TENM3: variants seen among roughly 807,000 people sequenced by gnomAD.
TENM3 encodes the protein teneurin-3.
Under a neutral mutation model 255.1 loss-of-function variants are expected in TENM3, and 63 were observed. The ratio of observed to expected loss-of-function variants is 0.25; its 90% CI spans 0.20 to 0.30. TENM3 has a LOEUF of 0.30. Ranked by LOEUF, TENM3 falls within the 10% of genes least tolerant of loss-of-function variation. The probability of loss-of-function intolerance (pLI) is 1.00; values close to 1 mark genes in which losing one functional copy is unlikely to be tolerated. For missense variants in TENM3, 2,929 were observed against 3,461.1 expected, an observed-to-expected ratio of 0.85 and a Z score of 3.86; for synonymous variants, 1,306 against 1,322.3, an observed-to-expected ratio of 0.99 and a Z score of 0.27.
At chr4:182,564,590 T>C (rs1743578134) in intron 3 of TENM3, among the ~76,000 whole-genome samples, 1 of 151,516 alleles carries the variant, frequency 6.6e-6, no homozygotes, top group Non-Finnish European at 1.5e-5. Context: ...TGTTTTTTTT[T>C]TTTTTGGTCC....
chr4:182,011,972 C>T, the TENM3 span, among the ~76,000 whole-genome samples: 1 of 152,144 alleles, frequency 6.6e-6, no homozygotes, highest in Admixed American at 6.5e-5. Flanking sequence ...AAAGAGACTT[C>T]ATGGAGAGAC....
the TENM3 span, among the ~76,000 whole-genome samples, chr4:181,868,137 G>A: frequency 1.3e-5 from 2 of 152,012 alleles, no homozygotes; most frequent in African/African-American, 4.8e-5. Flanking sequence ...TAAGTGCACA[G>A]CTTGATGGGT....
chr4:181,574,476 A>C, the TENM3 span, among the ~76,000 whole-genome samples: 1 of 151,400 alleles, frequency 6.6e-6, no homozygotes, highest in African/African-American at 2.4e-5. Flanking sequence ...GCTTGCAGTG[A>C]GCCGAGATCG....
At chr4:181,942,470 G>A in the TENM3 span, among the ~76,000 whole-genome samples, 1 of 151,896 alleles carries the variant, frequency 6.6e-6, no homozygotes, top group Non-Finnish European at 1.5e-5. Context: ...CCTGAGTGAG[G>A]GACCAGTGGG....
the TENM3 span, among the ~76,000 whole-genome samples, chr4:181,594,298 A>C: frequency 6.6e-6 from 1 of 152,216 alleles, no homozygotes; most frequent in African/African-American, 2.4e-5. Context: ...TTTTCAAAAA[A>C]ACCATAGCAA....
the TENM3 span, among the ~76,000 whole-genome samples, chr4:181,792,356 G>C: frequency 6.6e-6 from 1 of 152,106 alleles, no homozygotes; most frequent in African/African-American, 2.4e-5. Flanking sequence ...GTCATAGAAT[G>C]TTATAAGGAA....
chr4:182,287,425 T>C (rs1296322752), intron 1 of TENM3, among the ~76,000 whole-genome samples: 1 of 152,118 alleles, frequency 6.6e-6, no homozygotes, highest in Non-Finnish European at 1.5e-5. Flanking sequence ...CCGCTTGAAA[T>C]GCCCTTTCAC....
At chr4:182,441,654 C>T (rs770222492) in intron 3 of TENM3, among the ~76,000 whole-genome samples, 9 of 152,146 alleles carry the variant, frequency 5.9e-5, no homozygotes, top group South Asian at 2.1e-4. Flanking sequence ...CGTGCCACCA[C>T]GCCCAGCTAA....
intron 1 of TENM3, among the ~76,000 whole-genome samples, chr4:182,254,246 T>C (rs1758226244): frequency 6.6e-6 from 1 of 152,038 alleles, no homozygotes; most frequent in South Asian, 2.1e-4. Flanking sequence ...GGTGGCTTCT[T>C]ACAGTTCTCT....
chr4:182,137,459 T>C, the TENM3 span, among the ~76,000 whole-genome samples: 7 of 152,176 alleles, frequency 4.6e-5, no homozygotes, highest in African/African-American at 9.7e-5. Flanking sequence ...ATGAAAGCGG[T>C]GTTTTGATCT....
the TENM3 span, among the ~76,000 whole-genome samples, chr4:181,542,797 G>A: frequency 6.6e-6 from 1 of 152,284 alleles, no homozygotes; most frequent in East Asian, 1.9e-4. Context: ...TCTTTTCATA[G>A]TGAATTTCAA....
intron 3 of TENM3, among the ~76,000 whole-genome samples, chr4:182,389,439 A>G (rs1370956270): frequency 6.6e-6 from 1 of 151,888 alleles, no homozygotes; most frequent in African/African-American, 2.4e-5. Flanking sequence ...TTTAAAACAG[A>G]GCTAAAGTAA....
chr4:182,485,575 A>C (rs2151543045), intron 3 of TENM3, among the ~76,000 whole-genome samples: 1 of 152,260 alleles, frequency 6.6e-6, no homozygotes, highest in Admixed American at 6.5e-5. Flanking sequence ...AGTCTCACTA[A>C]ATTTTTCAAT....
rs190131374 is a variant in TENM3, at chr4:182,688,821, C to G, written c.2221+470C>G. On this transcript the variant is annotated intron_variant, in intron 12 of 27. Coordinates refer to ENST00000511685, the MANE Select transcript of TENM3 (RefSeq NM_001080477.4). ...TTGAGTCTCTGCAAAAGAGGTTTGA[C>G]TTATTATGACTTCATTTTGTGGTAT... Among the ~76,000 whole-genome samples, 157 of 152,212 alleles carry G rather than the reference C, an allele frequency of 1.0e-3. 1 individual carries two copies. The highest frequency in any genetic ancestry group is 2.9e-3 in the Admixed American group (44 of 15,274).
the TENM3 span, among the ~76,000 whole-genome samples, chr4:181,537,175 G>C: frequency 6.6e-6 from 1 of 151,768 alleles, no homozygotes; most frequent in Admixed American, 6.6e-5. Context: ...CTAAGGTTGG[G>C]CTTTGATTAA....
chr4:182,239,313 A>G (rs1301880229), upstream of TENM3, among the ~76,000 whole-genome samples: 1 of 152,066 alleles, frequency 6.6e-6, no homozygotes, highest in Non-Finnish European at 1.5e-5. Flanking sequence ...ATTGACCTCA[A>G]ATGATCTGCC....
At position 182,497,115 on chromosome 4, in the gene TENM3, A is replaced by G. The variant is rs548637095; in HGVS notation, c.512-103809A>G. Among the ~76,000 whole-genome samples, 9 of 151,206 alleles carry G rather than the reference A, an allele frequency of 6.0e-5. No homozygotes were observed. In the South Asian group the frequency reaches 8.4e-4, roughly 14 times the overall value. On this transcript the variant is annotated intron_variant, in intron 3 of 27. Transcript: ENST00000511685. ...TGTCGCCAGGCTGGAATGCAGTGGC[A>G]CGATCTCAGCTCACTGTAACCTCCG... is the stretch of plus-strand genomic sequence containing the variant.
At chr4:182,194,426 T>C (rs555150157) in intron 1 of TENM3, among the ~76,000 whole-genome samples, 44 of 152,320 alleles carry the variant, frequency 2.9e-4, no homozygotes, top group African/African-American at 1.1e-3. Flanking sequence ...AAACTAGGAA[T>C]TGATGTATCT....
Position 182,709,389 on chromosome 4 carries a change from A to G in TENM3, c.2222-4698A>G, listed in dbSNP as rs1163492639. 2.6e-5 allele frequency among the ~76,000 whole-genome samples: 4 copies of G among 152,298 alleles called. No homozygotes were observed. The East Asian group carries it at 7.7e-4, about 29-fold the overall frequency. On this transcript the variant is annotated intron_variant, in intron 12 of 27. Transcript: ENST00000511685. The stretch of plus-strand genomic sequence containing the variant: ...TTCAACTTCTTAGTAGATTGAAGGA[A>G]TGACTTTTCTCTAGTGTCAGAACAT...
Sources: gnomAD v4.1 joint callset for allele counts (sites outside exome capture counted in the v4.1 genomes callset) on GRCh38, gnomAD v4.1.1 for gene constraint, MANE v1.5 for transcripts, NCBI Gene and HGNC (gene_info 2026-07-23, HGNC 2026-07-21) for gene names.